MYH15: variants seen among roughly 807,000 people sequenced by gnomAD.
MYH15 encodes the protein myosin-15.
MYH15 carries 227 observed loss-of-function variants against 240.5 expected under a neutral mutation model. The ratio of observed to expected loss-of-function variants is 0.94; its 90% CI spans 0.85 to 1.05. The LOEUF (loss-of-function observed/expected upper bound fraction) is 1.05, where lower values mean the gene tolerates loss of function less well. Ranked by LOEUF, MYH15 falls within the 50% of genes least tolerant of loss-of-function variation. MYH15 has a pLI of 0.00. For missense variants in MYH15, 2,217 were observed against 2,247.5 expected, an observed-to-expected ratio of 0.99 and a Z score of 0.27; for synonymous variants, 785 against 796.7, an observed-to-expected ratio of 0.99 and a Z score of 0.25.
chr3:108,505,834 A>T lies in MYH15; in HGVS notation c.89-5T>A. The T allele has an allele frequency of 1.9e-6, 3 of 1,552,150 alleles. No individual in the cohort carries two copies. The highest frequency in any genetic ancestry group is 2.6e-6 in the Non-Finnish European group (3 of 1,138,894). ...GAATCCAGCATTTCTTCTTCCCTGTAGAGCAAAAAAAAAAAAAAATGGATT... is the reference window on the plus strand; with the variant it reads ...GAATCCAGCATTTCTTCTTCCCTGTTGAGCAAAAAAAAAAAAAAATGGATT... On this transcript the variant is annotated splice_polypyrimidine_tract_variant and splice_region_variant and intron_variant, in intron 1 of 40. Coordinates refer to ENST00000693548, the MANE Select transcript of MYH15 (RefSeq NM_014981.3).
At chr3:108,448,382 A>C (rs2082945924) in intron 21 of MYH15, among the ~76,000 whole-genome samples, 1 of 152,106 alleles carries the variant, frequency 6.6e-6, no homozygotes, top group African/African-American at 2.4e-5. Flanking sequence ...GAGAACATAC[A>C]CAGGTTGAAA....
At chr3:108,492,182 C>A (rs1472396428) in intron 9 of MYH15, among the ~76,000 whole-genome samples, 1 of 143,678 alleles carries the variant, frequency 7.0e-6, no homozygotes, top group East Asian at 2.2e-4. Context: ...CTAATTAAGG[C>A]CTTAAATTAA....
At chr3:108,498,874 C>T (rs967711328) in intron 5 of MYH15, among the ~76,000 whole-genome samples, 3 of 152,160 alleles carry the variant, frequency 2.0e-5, no homozygotes, top group African/African-American at 7.2e-5. Flanking sequence ...ACTTCACAGC[C>T]CCTTGAGTCT....
At chr3:108,540,352 C>G in the MYH15 span, among the ~76,000 whole-genome samples, 1 of 152,164 alleles carries the variant, frequency 6.6e-6, no homozygotes, top group South Asian at 2.1e-4. Context: ...CAGCATCTCT[C>G]AAAATGCCAG....
At chr3:108,465,302 G>T (rs546070870) in intron 14 of MYH15, among the ~76,000 whole-genome samples, 3 of 152,130 alleles carry the variant, frequency 2.0e-5, no homozygotes, top group East Asian at 1.9e-4. Flanking sequence ...GAATGCAAAG[G>T]CCCCGAGGCC....
At chr3:108,446,898 G>A (rs1483762072) in intron 21 of MYH15, among the ~76,000 whole-genome samples, 1 of 152,068 alleles carries the variant, frequency 6.6e-6, no homozygotes, top group Non-Finnish European at 1.5e-5. Context: ...CCTAAATGGA[G>A]ATCTATGAAT....
At chr3:108,472,661 G>C (rs921132712) in intron 12 of MYH15, among the ~76,000 whole-genome samples, 3 of 152,164 alleles carry the variant, frequency 2.0e-5, no homozygotes, top group Admixed American at 6.5e-5. Context: ...AAATACTTGA[G>C]AAGTGGGAGT....
rs2083159944 is a variant in MYH15, at chr3:108,470,174, A to G, written c.1422T>C (p.Asn474=). ...SLEQLCINFT[N]EKLQQFFNWH... Reference sequence around the variant, plus strand: ...AATTGAAGAATTGTTGTAATTTTTCATTGGTAAAATTAATGCAAAGTTGCT... The same window carrying G: ...AATTGAAGAATTGTTGTAATTTTTCGTTGGTAAAATTAATGCAAAGTTGCT... Residue 474 remains asparagine, a synonymous_variant, in exon 14 of 41, where the codon AAT becomes AAC. Coordinates refer to ENST00000693548, the MANE Select transcript of MYH15 (RefSeq NM_014981.3). 1 of 1,609,794 alleles carries G rather than the reference A, an allele frequency of 6.2e-7. No individual in the cohort carries two copies. The highest frequency in any genetic ancestry group is 8.5e-7 in the Non-Finnish European group (1 of 1,178,074).
In MYH15 at chr3:108,459,379, T is replaced by C. The variant is rs1021406992; in HGVS notation, c.2003A>G (p.Asn668Ser). The change falls in exon 18 of 41, where the codon AAT (asparagine) becomes AGT (serine). Residue 668 changes from asparagine (N) to serine (S), a missense_variant. Asn to Ser is a conservative substitution (Grantham distance 46). Coordinates refer to ENST00000693548, the MANE Select transcript of MYH15 (RefSeq NM_014981.3). The stretch of plus-strand genomic sequence containing the variant: ...GTTCTTACCTGGTATTTTGTTCACA[T>C]TGGGATTTATGCATCTCACAAAATG... Reference protein sequence around the residue: ...APHFVRCINPNVNKIPGILDP... With the variant: ...APHFVRCINPSVNKIPGILDP... The C allele has an allele frequency of 1.9e-6, 3 of 1,597,038 alleles. No homozygotes were observed. The highest frequency in any genetic ancestry group is 2.7e-5 in the African/African-American group (2 of 74,364).
intron 28 of MYH15, 141 bp from the exon 29 acceptor site, chr3:108,417,071 T>C: frequency 4.6e-6 from 3 of 645,984 alleles, no homozygotes; most frequent in Middle Eastern, 3.7e-4. Flanking sequence ...GAGAGTCCTA[T>C]TATTCAGCAA....
chr3:108,446,154 C>A (rs551751194), intron 21 of MYH15, among the ~76,000 whole-genome samples: 1 of 152,140 alleles, frequency 6.6e-6, no homozygotes, highest in African/African-American at 2.4e-5. Context: ...CCCATGAACC[C>A]AGTCAACAAG....
At chr3:108,404,818 GAATTTTTT>G (rs2082534100) in intron 33 of MYH15, 2 of 151,514 alleles carry the variant, frequency 1.3e-5, no homozygotes, top group Admixed American at 6.5e-5. Context: ...GTACAGCACT[GAATTTTTT>G]AATTTTTTAA....
At chr3:108,542,127 A>T in the MYH15 span, among the ~76,000 whole-genome samples, 1 of 152,148 alleles carries the variant, frequency 6.6e-6, no homozygotes, top group Non-Finnish European at 1.5e-5. Flanking sequence ...TTAGATTTTG[A>T]GAAGATAGTT....
intron 1 of MYH15, among the ~76,000 whole-genome samples, chr3:108,525,565 A>C (rs1356135308): frequency 6.6e-6 from 1 of 152,162 alleles, no homozygotes; most frequent in East Asian, 1.9e-4. Context: ...AAATGAAAGA[A>C]TCAATTGGGC....
At chr3:108,479,676 G>T (rs892585444) in intron 11 of MYH15, among the ~76,000 whole-genome samples, 4 of 152,192 alleles carry the variant, frequency 2.6e-5, no homozygotes, top group African/African-American at 9.6e-5. Flanking sequence ...ACTGTCTAGA[G>T]AATAATAACC....
In MYH15 at chr3:108,495,817, T is replaced by C. The variant is rs1369645677; in HGVS notation, c.674A>G (p.Asn225Ser). 37 of 1,612,904 alleles carry C rather than the reference T, an allele frequency of 2.3e-5. No homozygotes were observed. Among genetic ancestry groups the C allele is most frequent in the Non-Finnish European group, 2.9e-5 (34 of 1,179,578 alleles). ...GTTGTCATTTCTCAGGGTTTTAGCA[T>C]TTCCAAATGCTTCCAAGATAGTATT... The part of the protein sequence containing the change: ...QANTILEAFG[N>S]AKTLRNDNSS... Residue 225 changes from asparagine (N) to serine (S), a missense_variant, in exon 7 of 41, where the codon AAT (asparagine) becomes AGT (serine). Asn to Ser is a conservative substitution (Grantham distance 46). Coordinates refer to ENST00000693548, the MANE Select transcript of MYH15 (RefSeq NM_014981.3).
chr3:108,545,135 AAG>A, the MYH15 span, among the ~76,000 whole-genome samples: 69 of 152,252 alleles, frequency 4.5e-4, no homozygotes, highest in African/African-American at 1.6e-3. Context: ...TTCTTTCAAA[AAG>A]AGATGTTAAT....
At chr3:108,537,934 C>T in the MYH15 span, among the ~76,000 whole-genome samples, 2 of 152,182 alleles carry the variant, frequency 1.3e-5, no homozygotes, top group Non-Finnish European at 2.9e-5. Context: ...GCTGATATTT[C>T]TGTCTCCTTG....
Position 108,441,187 on chromosome 3 carries a change from CT to C in MYH15, c.2728del (p.Arg910GlufsTer2), listed in dbSNP as rs1265580989. 6.2e-7 allele frequency: 1 copy of C among 1,614,018 alleles called. No homozygotes were observed. The highest frequency in any genetic ancestry group is 2.2e-5 in the East Asian group (1 of 44,900). ...LIKSKIQLEA[R>X]VKELSERVEE... ...CACCCTCTCCGACAGCTCCTTTACT[CT>C]GGCCTCCAGCTGGATCTTGGATTTA... On this transcript the variant is annotated frameshift_variant, in exon 23 of 41. Coordinates refer to ENST00000693548, the MANE Select transcript of MYH15 (RefSeq NM_014981.3). LOFTEE classifies it high-confidence loss of function.
Sources: gnomAD v4.1 joint callset for allele counts (sites outside exome capture counted in the v4.1 genomes callset) on GRCh38, gnomAD v4.1.1 for gene constraint, MANE v1.5 for transcripts, NCBI Gene and HGNC (gene_info 2026-07-23, HGNC 2026-07-21) for gene names.